RAB33A: variants seen among roughly 807,000 people sequenced by gnomAD.
The protein encoded by RAB33A is ras-related protein Rab-33A.
Under a neutral mutation model 12.0 loss-of-function variants are expected in RAB33A, and 6 were observed. That is an observed-to-expected ratio of 0.50 (90% confidence interval 0.27 to 0.99). The LOEUF is 0.99. Ranked by LOEUF, RAB33A falls within the 50% of genes least tolerant of loss-of-function variation. The pLI is 0.11. For synonymous variants in RAB33A, 70 were observed against 82.4 expected (o/e 0.85, Z 0.81); for missense variants, 109 against 192.0 (o/e 0.57, Z 2.55).
upstream of RAB33A, chrX:130,171,919 G>GGCGC (rs2031611421): frequency 5.6e-6 from 4 of 714,990 alleles, no homozygotes; most frequent in African/African-American, 2.2e-5. Context: ...ACACGGTGCC[G>GGCGC]GCGCACGCAC....
the RAB33A span, among the ~76,000 whole-genome samples, chrX:130,158,008 A>G: frequency 9.0e-6 from 1 of 110,650 alleles, no homozygotes; most frequent in African/African-American, 3.3e-5. Context: ...CACGCCTGTA[A>G]TCCCAGCACT....
At chrX:130,127,815 G>T in the RAB33A span, among the ~76,000 whole-genome samples, 1 of 105,956 alleles carries the variant, frequency 9.4e-6, no homozygotes, top group Admixed American at 1.0e-4. Flanking sequence ...TCAGCCTCCT[G>T]AGTAGCTGGG....
At chrX:130,152,135 GA>G in the RAB33A span, among the ~76,000 whole-genome samples, 7 of 110,096 alleles carry the variant, frequency 6.4e-5, no homozygotes, top group Non-Finnish European at 3.8e-5. Flanking sequence ...AAAAAGAAAA[GA>G]AAAAAAAGAA....
At chrX:130,165,820 G>C in the RAB33A span, 6 of 516,950 alleles carry the variant, frequency 1.2e-5, no homozygotes, top group Non-Finnish European at 2.1e-5. Context: ...AAGCCGGCCT[G>C]CTAGAGCCGG....
chrX:130,117,052 A>G, the RAB33A span, among the ~76,000 whole-genome samples: 8 of 111,470 alleles, frequency 7.2e-5, no homozygotes, highest in Non-Finnish European at 1.3e-4. Context: ...TCTCTATTAA[A>G]AAATACAAAA....
chrX:130,167,040 A>T (rs2031544907), upstream of RAB33A, among the ~76,000 whole-genome samples: 2 of 112,374 alleles, frequency 1.8e-5, no homozygotes, highest in African/African-American at 6.5e-5. Context: ...AAGAGAGAAG[A>T]CTATGGGATG....
At chrX:130,183,071 A>G (rs2031748792) in intron 1 of RAB33A, among the ~76,000 whole-genome samples, 1 of 105,326 alleles carries the variant, frequency 9.5e-6, no homozygotes, top group Non-Finnish European at 2.0e-5. Flanking sequence ...GGCCTGGCTA[A>G]TTTTTTTTGT....
At chrX:130,172,842 T>C (rs2031626678) in intron 1 of RAB33A, among the ~76,000 whole-genome samples, 1 of 112,264 alleles carries the variant, frequency 8.9e-6, no homozygotes, top group Admixed American at 9.4e-5. Flanking sequence ...AGTTTATAGT[T>C]AAAAAATTAG....
the RAB33A span, among the ~76,000 whole-genome samples, chrX:130,132,023 C>T: frequency 9.0e-6 from 1 of 111,553 alleles, no homozygotes; most frequent in Non-Finnish European, 1.9e-5. Flanking sequence ...CAGGCACCCA[C>T]TACCACCCTG....
At chrX:130,136,996 G>C in the RAB33A span, 2 of 1,207,696 alleles carry the variant, frequency 1.7e-6, no homozygotes, top group Non-Finnish European at 2.2e-6. Flanking sequence ...CTTATGTCAA[G>C]GGGGTTCCTA....
the RAB33A span, chrX:130,136,245 G>C: frequency 1.8e-4 from 204 of 1,147,992 alleles, 1 homozygote; most frequent in African/African-American, 3.1e-3. Context: ...GCCTACAGGC[G>C]TAACAATGGC....
At chrX:130,172,718 T>G (rs209553) in intron 1 of RAB33A, among the ~76,000 whole-genome samples, 1 of 110,505 alleles carries the variant, frequency 9.0e-6, no homozygotes, top group African/African-American at 3.3e-5. Context: ...TCTCTTCTAC[T>G]GCTTGGGTGC....
chrX:130,119,955 A>G, the RAB33A span, among the ~76,000 whole-genome samples: 1 of 111,625 alleles, frequency 9.0e-6, no homozygotes, highest in Non-Finnish European at 1.9e-5. Context: ...AGAAGTGGCC[A>G]CTCTAGCTTC....
At chrX:130,123,833 T>C in the RAB33A span, among the ~76,000 whole-genome samples, 1 of 110,379 alleles carries the variant, frequency 9.1e-6, no homozygotes, top group South Asian at 3.8e-4. Flanking sequence ...GAAAGGAATG[T>C]CAGCACCATC....
At chrX:130,119,315 T>G in the RAB33A span, among the ~76,000 whole-genome samples, 1 of 111,800 alleles carries the variant, frequency 8.9e-6, no homozygotes, top group Non-Finnish European at 1.9e-5. Flanking sequence ...GAGTTAGAAC[T>G]TGGACCCGTG....
At chrX:130,123,839 C>A in the RAB33A span, among the ~76,000 whole-genome samples, 1 of 110,867 alleles carries the variant, frequency 9.0e-6, no homozygotes, top group African/African-American at 3.3e-5. Flanking sequence ...AATGTCAGCA[C>A]CATCCTCTAT....
chrX:130,132,592 G>A, the RAB33A span, among the ~76,000 whole-genome samples: 1 of 111,746 alleles, frequency 8.9e-6, no homozygotes, highest in Non-Finnish European at 1.9e-5. Flanking sequence ...AAATTCAGAC[G>A]AGCTCTTGCT....
At chrX:130,155,014 T>G in the RAB33A span, 1 of 771,825 alleles carries the variant, frequency 1.3e-6, no homozygotes, top group South Asian at 2.3e-5. Flanking sequence ...GACTCTCTAG[T>G]GACTGACAAT....
At chrX:130,181,216 T>C (rs932019233) in intron 1 of RAB33A, among the ~76,000 whole-genome samples, 11 of 109,611 alleles carry the variant, frequency 1.0e-4, no homozygotes, top group African/African-American at 2.7e-4. Flanking sequence ...GCTGTGTCAA[T>C]AGAGGGAGAT....
Sources: gnomAD v4.1 joint callset for allele counts (sites outside exome capture counted in the v4.1 genomes callset) on GRCh38, gnomAD v4.1.1 for gene constraint, MANE v1.5 for transcripts, NCBI Gene and HGNC (gene_info 2026-07-23, HGNC 2026-07-21) for gene names.